Variants in RSPRY1 observed in about 807,000 individuals in gnomAD.
The protein encoded by RSPRY1 is ring finger and SPRY domain containing 1, also known as RING finger and SPRY domain-containing protein 1.
Under a neutral mutation model 73.1 loss-of-function variants are expected in RSPRY1, and 23 were observed. The ratio of observed to expected loss-of-function variants is 0.31; its 90% confidence interval spans 0.23 to 0.45. The LOEUF is 0.45. RSPRY1 is among the 20% of genes least tolerant of loss of function. The probability of loss-of-function intolerance (pLI) is 1.00; values close to 1 mark genes in which losing one functional copy is unlikely to be tolerated. For missense variants in RSPRY1, 448 were observed against 698.7 expected, an observed-to-expected ratio of 0.64 and a Z score of 4.05; for synonymous variants, 226 against 251.4, an observed-to-expected ratio of 0.90 and a Z score of 0.95.
intron 1 of RSPRY1, among the ~76,000 whole-genome samples, chr16:57,189,301 T>C (rs562008493): frequency 6.3e-4 from 96 of 152,170 alleles, no homozygotes; most frequent in Middle Eastern, 6.8e-3. Flanking sequence ...TGGCCCTCAG[T>C]GATTATTTTC....
intron 1 of RSPRY1, among the ~76,000 whole-genome samples, chr16:57,190,511 G>A (rs757898792): frequency 1.3e-5 from 2 of 152,202 alleles, no homozygotes; most frequent in Non-Finnish European, 2.9e-5. Context: ...AGAATTATTT[G>A]GGGATAATAA....
chr16:57,211,205 G>A (rs954407313), intron 4 of RSPRY1, among the ~76,000 whole-genome samples: 1 of 151,050 alleles, frequency 6.6e-6, no homozygotes, highest in Non-Finnish European at 1.5e-5. Context: ...AAGGCAGGAG[G>A]ATCAGTTAAG....
intron 6 of RSPRY1, among the ~76,000 whole-genome samples, chr16:57,215,080 G>A (rs982112727): frequency 6.6e-6 from 1 of 151,996 alleles, no homozygotes; most frequent in East Asian, 1.9e-4. Context: ...AATGAGAGCC[G>A]GGGTGTCATG....
intron 13 of RSPRY1, among the ~76,000 whole-genome samples, chr16:57,232,600 C>T (rs1296956860): frequency 6.6e-6 from 1 of 152,156 alleles, no homozygotes; most frequent in Non-Finnish European, 1.5e-5. Context: ...AGTCTTCTCA[C>T]ATATACCCTA....
At position 57,213,975 on chromosome 16, in the gene RSPRY1, T is replaced by G. The variant is rs779143074; in HGVS notation, c.702+29T>G. ...AGTGAGACATCAAAACTATTTATTC[T>G]TAGTCATCTAGAAGTGGGCATCATC... is the stretch of plus-strand genomic sequence containing the variant. On this transcript the variant is annotated intron_variant, in intron 6 of 14. Coordinates refer to ENST00000394420, the MANE Select transcript of RSPRY1 (RefSeq NM_133368.3). 9.3e-6 allele frequency: 14 copies of G among 1,500,710 alleles called. No individual in the cohort carries two copies. The East Asian group carries it at 2.9e-4, about 31-fold the overall frequency. The allele number at this position is 1,500,710 out of a possible 1,614,324, so 93.0% of individuals were successfully genotyped here. A position where few individuals can be genotyped will look rare whatever the true frequency, so the allele number is the denominator to read the frequency against.
At chr16:57,221,776 A>C (rs1182894939) in intron 10 of RSPRY1, among the ~76,000 whole-genome samples, 1 of 152,194 alleles carries the variant, frequency 6.6e-6, no homozygotes, top group African/African-American at 2.4e-5. Context: ...AGCTCTTAAG[A>C]GCTTTGTAGG....
chr16:57,204,885 A>G lies in RSPRY1; in HGVS notation c.227A>G (p.Gln76Arg). ...GTACCCACTGCTGACACAAGGAGCC[A>G]ACCACGGGACCCTGTTCGGCCACCA... is the stretch of plus-strand genomic sequence containing the variant. ...SAVPTADTRS[Q>R]PRDPVRPPRR... is the part of the protein sequence containing the mutation. The change falls in exon 2 of 15, where the codon CAA becomes CGA. Residue 76 changes from glutamine to arginine, a missense_variant. By Grantham distance (43) the Gln-to-Arg change is conservative. Coordinates refer to ENST00000394420, the MANE Select transcript of RSPRY1 (RefSeq NM_133368.3). 6.2e-7 allele frequency: 1 copy of G among 1,614,224 alleles called. No homozygotes were observed. Among genetic ancestry groups the G allele is most frequent in the Non-Finnish European group, 8.5e-7 (1 of 1,180,038 alleles).
chr16:57,197,801 G>A (rs2074478501), intron 1 of RSPRY1, among the ~76,000 whole-genome samples: 1 of 152,098 alleles, frequency 6.6e-6, no homozygotes, highest in Non-Finnish European at 1.5e-5. Flanking sequence ...AGGGCTCACT[G>A]CAGCCTCGAC....
intron 1 of RSPRY1, among the ~76,000 whole-genome samples, chr16:57,196,234 G>A (rs1372331849): frequency 3.9e-5 from 6 of 151,966 alleles, no homozygotes; most frequent in Non-Finnish European, 7.4e-5. Flanking sequence ...GATATGTACT[G>A]TACATGTCAC....
At chr16:57,199,891 G>T (rs1043063570) in intron 1 of RSPRY1, among the ~76,000 whole-genome samples, 379 of 34,280 alleles carry the variant, frequency 0.011, no homozygotes, top group Middle Eastern at 0.017. Context: ...TGTTTTTTTT[G>T]TTTGTTTTTT....
intron 1 of RSPRY1, among the ~76,000 whole-genome samples, chr16:57,198,187 T>C (rs2074487824): frequency 6.6e-6 from 1 of 152,036 alleles, no homozygotes; most frequent in Non-Finnish European, 1.5e-5. Flanking sequence ...AGATCGAGAC[T>C]ATCCTGACTA....
At chr16:57,226,535 A>G (rs1956183195) in intron 10 of RSPRY1, among the ~76,000 whole-genome samples, 2 of 152,162 alleles carry the variant, frequency 1.3e-5, no homozygotes, top group African/African-American at 4.8e-5. Context: ...TCTCCTTTTT[A>G]GACTATATAG....
chr16:57,191,749 A>T (rs556486019), intron 1 of RSPRY1, among the ~76,000 whole-genome samples: 1 of 152,354 alleles, frequency 6.6e-6, no homozygotes, highest in Admixed American at 6.5e-5. Flanking sequence ...CAATGCAAAG[A>T]TAGATTCTCT....
At position 57,204,911 on chromosome 16, in the gene RSPRY1, A is replaced by G. The variant is rs2074696247; in HGVS notation, c.253A>G (p.Arg85Gly). The change falls in exon 2 of 15, where the codon AGG becomes GGG. Residue 85 changes from arginine to glycine, a missense_variant. By Grantham distance (125) the Arg-to-Gly change is moderately radical. Coordinates refer to ENST00000394420, the MANE Select transcript of RSPRY1 (RefSeq NM_133368.3). ...SQPRDPVRPP[R>G]RGRGPHEPRR... ...ACCACGGGACCCTGTTCGGCCACCAAGGAGGGGCCGAGGACCTCATGAGCC... is the reference window on the plus strand; with the variant it reads ...ACCACGGGACCCTGTTCGGCCACCAGGGAGGGGCCGAGGACCTCATGAGCC... The G allele has an allele frequency of 6.2e-7, 1 of 1,614,068 alleles. No homozygotes were observed. Among genetic ancestry groups the G allele is most frequent in the Non-Finnish European group, 8.5e-7 (1 of 1,180,028 alleles).
intron 14 of RSPRY1, 113 bp downstream of exon 14, chr16:57,235,341 A>G: frequency 2.8e-6 from 2 of 715,070 alleles, no homozygotes; most frequent in Non-Finnish European, 4.8e-6. Context: ...ACTAGAGTTT[A>G]AGTAGAACCT....
At position 57,236,938 on chromosome 16, in the gene RSPRY1, G is replaced by A. The variant is rs189981468; in HGVS notation, c.1634+1710G>A. ...TCCCAGCACTTTGGGAGGCCAAGGC[G>A]GGTGGATCACAAGGCCAGGAGTTTG... On this transcript the variant is annotated intron_variant, in intron 14 of 14. Coordinates refer to ENST00000394420, the MANE Select transcript of RSPRY1 (RefSeq NM_133368.3). 2.7e-4 allele frequency among the ~76,000 whole-genome samples: 41 copies of A among 152,124 alleles called. 4 individuals are homozygous for A. In the East Asian group the frequency reaches 5.1e-3, roughly 19 times the overall value.
chr16:57,217,085 C>A, intron 8 of RSPRY1, 50 bp downstream of exon 8: 2 of 1,601,598 alleles, frequency 1.2e-6, no homozygotes, highest in Non-Finnish European at 1.7e-6. Context: ...TTTCCAGACT[C>A]ATTTCTTTCA....
At chr16:57,214,643 T>A (rs1410657950) in intron 6 of RSPRY1, among the ~76,000 whole-genome samples, 5 of 152,262 alleles carry the variant, frequency 3.3e-5, no homozygotes, top group Admixed American at 6.5e-5. Flanking sequence ...TCAAGAGGTT[T>A]ATTGGTTAGT....
intron 10 of RSPRY1, among the ~76,000 whole-genome samples, chr16:57,222,193 G>A (rs2075049067): frequency 6.6e-6 from 1 of 152,244 alleles, no homozygotes; most frequent in East Asian, 1.9e-4. Context: ...ATCCTGGAAT[G>A]GGTTTTAGAA....
Sources: allele counts gnomAD v4.1 joint callset (sites outside exome capture counted in the v4.1 genomes callset), GRCh38; gene constraint gnomAD v4.1.1; transcripts MANE v1.5; gene names NCBI Gene and HGNC (gene_info 2026-07-23, HGNC 2026-07-21).